The following CCDC7 variants were observed in gnomAD, a reference collection of about 807,000 sequenced individuals.
CCDC7 encodes coiled-coil domain-containing protein 7.
Under a neutral mutation model 196.9 loss-of-function variants are expected in CCDC7, and 183 were observed. The ratio of observed to expected loss-of-function variants is 0.93; its 90% CI spans 0.82 to 1.05. The LOEUF (loss-of-function observed/expected upper bound fraction) is 1.05, where lower values mean the gene tolerates loss of function less well. Ranked by LOEUF, CCDC7 falls within the 50% of genes least tolerant of loss-of-function variation. The probability of loss-of-function intolerance (pLI) is 0.00; values close to 1 mark genes in which losing one functional copy is unlikely to be tolerated. For missense variants in CCDC7, 1,540 were observed against 1,482.2 expected (o/e 1.04, Z -0.64); for synonymous variants, 525 against 484.6 (o/e 1.08, Z -1.10).
At chr10:32,675,141 T>G (rs796469987) in intron 21 of CCDC7, among the ~76,000 whole-genome samples, 13 of 152,188 alleles carry the variant, frequency 8.5e-5, no homozygotes, top group African/African-American at 2.9e-4. Context: ...AATTATATTG[T>G]TTTCTCTCTG....
chr10:32,472,356 G>A lies in CCDC7; in HGVS notation c.678-125G>A, dbSNP rs929605564. 5 of 840,044 alleles carry A rather than the reference G, an allele frequency of 6.0e-6. No individual in the cohort carries two copies. The African/African-American group carries it at 7.2e-5, about 12-fold the overall frequency. The allele number at this position is 840,044 out of a possible 1,614,324, so 52.0% of individuals were successfully genotyped here. ...TTAGTGTCTGTGAGTAAAGATTAAAGATATGTTTAATTTTTATTCTACAAA... is the reference window on the plus strand; with the variant it reads ...TTAGTGTCTGTGAGTAAAGATTAAAAATATGTTTAATTTTTATTCTACAAA... On this transcript the variant is annotated intron_variant, in intron 6 of 41. Transcript: ENST00000639629.
chr10:32,482,439 G>T (rs3006726), intron 8 of CCDC7, among the ~76,000 whole-genome samples: 66,481 of 151,624 alleles, frequency 0.44, 15,163 homozygotes, highest in East Asian at 0.58. Context: ...ATTATACAGT[G>T]GACATATTTT....
At chr10:32,447,536 G>C (rs1450994871), upstream of CCDC7, among the ~76,000 whole-genome samples, 1 of 151,980 alleles carries the variant, frequency 6.6e-6, no homozygotes, top group Non-Finnish European at 1.5e-5. Flanking sequence ...ATTTAATCTT[G>C]GTTTCTGCAT....
At chr10:32,702,933 G>C (rs1349569300) in intron 24 of CCDC7, among the ~76,000 whole-genome samples, 1 of 152,164 alleles carries the variant, frequency 6.6e-6, no homozygotes, top group Admixed American at 6.5e-5. Context: ...TGGGTTTCCT[G>C]AATACAGCAC....
intron 41 of CCDC7, among the ~76,000 whole-genome samples, chr10:32,867,318 T>C (rs184475796): frequency 2.0e-5 from 3 of 151,754 alleles, no homozygotes; most frequent in Admixed American, 2.0e-4. Flanking sequence ...AGACATTATG[T>C]TTCCAAGTTA....
chr10:32,610,895 G>A (rs1015777049), intron 18 of CCDC7, among the ~76,000 whole-genome samples: 4 of 152,160 alleles, frequency 2.6e-5, no homozygotes, highest in African/African-American at 4.8e-5. Flanking sequence ...GTGTGCATGC[G>A]TCTTTATTGT....
intron 28 of CCDC7, among the ~76,000 whole-genome samples, chr10:32,767,526 T>C (rs1420903576): frequency 6.6e-6 from 1 of 152,084 alleles, no homozygotes; most frequent in Non-Finnish European, 1.5e-5. Context: ...GCAAGATGGC[T>C]GAAAAGAATG....
chr10:32,528,698 A>T (rs57993797), intron 11 of CCDC7, among the ~76,000 whole-genome samples: 1 of 136,228 alleles, frequency 7.3e-6, no homozygotes, highest in Non-Finnish European at 1.5e-5. Context: ...ATACACACAC[A>T]TATATATGTA....
intron 5 of CCDC7, among the ~76,000 whole-genome samples, chr10:32,467,426 A>G (rs2037063244): frequency 7.7e-6 from 1 of 130,294 alleles, no homozygotes; most frequent in South Asian, 2.4e-4. Context: ...CCACTGTTTA[A>G]TGGTGTTGTT....
At chr10:32,518,890 A>T (rs1183849899) in intron 11 of CCDC7, among the ~76,000 whole-genome samples, 1 of 152,142 alleles carries the variant, frequency 6.6e-6, no homozygotes, top group African/African-American at 2.4e-5. Flanking sequence ...TGCAAGGATA[A>T]AGGAAAATTT....
chr10:32,635,293 A>AT (rs1255155591), intron 20 of CCDC7, 135 bp downstream of exon 21: 1 of 378,542 alleles, frequency 2.6e-6, no homozygotes, highest in Non-Finnish European at 4.7e-6. Context: ...TGGTGTCTCT[A>AT]TAATTACTGA....
At chr10:32,612,800 T>G (rs2062320310) in intron 18 of CCDC7, among the ~76,000 whole-genome samples, 1 of 152,146 alleles carries the variant, frequency 6.6e-6, no homozygotes, top group Non-Finnish European at 1.5e-5. Flanking sequence ...TTTAATGTGC[T>G]GCTGGATTCA....
chr10:32,744,826 G>T (rs2074441133), intron 28 of CCDC7, among the ~76,000 whole-genome samples: 1 of 152,084 alleles, frequency 6.6e-6, no homozygotes, highest in East Asian at 1.9e-4. Context: ...TTTTAATTAA[G>T]TCCAGCTTAT....
At chr10:32,583,391 A>ATTTGTTTATTTCATATTGCTCCTTCAAT in intron 17 of CCDC7, 84 bp downstream of exon 18, 1 of 862,958 alleles carries the variant, frequency 1.2e-6, no homozygotes, top group Non-Finnish European at 1.5e-6. Flanking sequence ...AAATGGGTTA[A>ATTTGTTTATTTCATATTGCTCCTTCAAT]AAATTCAATA....
At chr10:32,477,423 G>A (rs941995266) in intron 8 of CCDC7, among the ~76,000 whole-genome samples, 2 of 151,992 alleles carry the variant, frequency 1.3e-5, no homozygotes, top group Middle Eastern at 3.2e-3. Flanking sequence ...GGCTGGTCTC[G>A]AACTCCTGAA....
At chr10:32,719,092 G>T (rs534757149) in intron 25 of CCDC7, among the ~76,000 whole-genome samples, 3 of 152,108 alleles carry the variant, frequency 2.0e-5, no homozygotes, top group Non-Finnish European at 2.9e-5. Flanking sequence ...AAAGAACAAA[G>T]CTGGAGGCAT....
chr10:32,615,146 G>A (rs1180679672), intron 18 of CCDC7, among the ~76,000 whole-genome samples: 1 of 152,098 alleles, frequency 6.6e-6, no homozygotes, highest in Admixed American at 6.6e-5. Flanking sequence ...AAACATACAA[G>A]TGCAGTTATC....
At chr10:32,792,626 C>A (rs1041460432) in intron 29 of CCDC7, among the ~76,000 whole-genome samples, 1 of 152,076 alleles carries the variant, frequency 6.6e-6, no homozygotes, top group Non-Finnish European at 1.5e-5. Context: ...CATGGTGAAA[C>A]CCCATCTCTA....
intron 24 of CCDC7, among the ~76,000 whole-genome samples, chr10:32,695,885 G>T (rs2077647885): frequency 6.6e-6 from 1 of 152,176 alleles, no homozygotes. Flanking sequence ...CAGTGCCAAA[G>T]ACAGAACTAC....
Sources: allele counts gnomAD v4.1 joint callset (sites outside exome capture counted in the v4.1 genomes callset), GRCh38; gene constraint gnomAD v4.1.1; transcripts MANE v1.5; gene names NCBI Gene and HGNC (gene_info 2026-07-23, HGNC 2026-07-21).